The following MTA3 variants were observed in gnomAD, a reference collection of about 807,000 sequenced individuals.
MTA3 encodes the protein metastasis associated 1 family member 3.
A neutral mutation model predicts 83.5 loss-of-function variants in MTA3; 34 were observed. The ratio of observed to expected loss-of-function variants is 0.41; its 90% CI spans 0.31 to 0.54. The LOEUF is 0.54. MTA3 is among the 20% of genes least tolerant of loss of function. The pLI, the probability that MTA3 is intolerant of heterozygous loss-of-function variation, is 0.33. For synonymous variants in MTA3, 303 were observed against 252.7 expected (o/e 1.20, Z -1.89); for missense variants, 761 against 726.4 (o/e 1.05, Z -0.55).
At chr2:42,700,557 T>A (rs1394908531) in intron 11 of MTA3, among the ~76,000 whole-genome samples, 1 of 152,208 alleles carries the variant, frequency 6.6e-6, no homozygotes, top group East Asian at 1.9e-4. Context: ...AACTGTACAT[T>A]TGTATTAGCT....
intron 4 of MTA3, chr2:42,614,341 C>T (rs1054192524): frequency 6.6e-6 from 1 of 152,242 alleles, no homozygotes; most frequent in Admixed American, 6.5e-5. Flanking sequence ...AGGTGATCTA[C>T]CCGCCTCAGT....
At chr2:42,551,047 CTAAATAAATAAATAAA>C (rs61107846) in intron 2 of MTA3, among the ~76,000 whole-genome samples, 22 of 142,618 alleles carry the variant, frequency 1.5e-4, no homozygotes, top group Non-Finnish European at 2.6e-4. Flanking sequence ...CAGACTCTGA[CTAAATAAATAAATAAA>C]TAAATAAATA....
chr2:42,603,752 C>G (rs1682866974), intron 3 of MTA3, among the ~76,000 whole-genome samples: 1 of 152,122 alleles, frequency 6.6e-6, no homozygotes, highest in Admixed American at 6.6e-5. Context: ...ACACAATTTT[C>G]TTTCTTTCCT....
rs1446214719 is a variant in MTA3, at chr2:42,755,854, C to T, written c.*2455C>T. On this transcript the variant is annotated 3_prime_UTR_variant, in exon 17 of 17. Coordinates refer to ENST00000405094, the MANE Select transcript of MTA3 (RefSeq NM_001330442.2). Reference sequence around the variant, plus strand: ...CATGCCCCTGGGGTGAGGACACAGGCTCTGCAGGCTATCTCCCCCTCTGGC... The same window carrying T: ...CATGCCCCTGGGGTGAGGACACAGGTTCTGCAGGCTATCTCCCCCTCTGGC... 2 of 985,552 alleles carry T rather than the reference C, an allele frequency of 2.0e-6. No homozygotes were observed. Among genetic ancestry groups the T allele is most frequent in the East Asian group, 2.3e-4 (2 of 8,814 alleles). The allele number at this position is 985,552 out of a possible 1,614,324, so 61.1% of individuals were successfully genotyped here.
At chr2:42,657,240 G>A (rs976990016) in intron 7 of MTA3, among the ~76,000 whole-genome samples, 1 of 152,184 alleles carries the variant, frequency 6.6e-6, no homozygotes, top group Non-Finnish European at 1.5e-5. Flanking sequence ...ATTTCACAAT[G>A]CAGAGGAAAA....
chr2:42,711,167 A>G lies in MTA3; in HGVS notation c.1525+2071A>G, dbSNP rs576108204. Among the ~76,000 whole-genome samples, 6 of 152,324 alleles carry G rather than the reference A, an allele frequency of 3.9e-5. No individual in the cohort carries two copies. The East Asian group carries it at 1.2e-3, about 29-fold the overall frequency. On this transcript the variant is annotated intron_variant, in intron 14 of 16. Transcript: ENST00000405094. ...CCATTAAGATTGGTGGGGATCCAGTATCATCTTTGTCCTAGGACTAGAAGA... is the reference window on the plus strand; with the variant it reads ...CCATTAAGATTGGTGGGGATCCAGTGTCATCTTTGTCCTAGGACTAGAAGA...
chr2:42,571,355 C>T (rs1678455088), intron 2 of MTA3, among the ~76,000 whole-genome samples: 1 of 133,752 alleles, frequency 7.5e-6, no homozygotes. Context: ...CCATTGCACT[C>T]TAGCCTGGGT....
chr2:42,610,695 C>T (rs561934532), intron 4 of MTA3, among the ~76,000 whole-genome samples: 9 of 152,052 alleles, frequency 5.9e-5, no homozygotes. Context: ...AAGATTCTTA[C>T]CCTCGGTCAG....
At chr2:42,622,964 A>C (rs867686471) in intron 4 of MTA3, among the ~76,000 whole-genome samples, 1 of 152,228 alleles carries the variant, frequency 6.6e-6, no homozygotes, top group African/African-American at 2.4e-5. Flanking sequence ...AAAATAAACC[A>C]ATGAAACAAT....
intron 3 of MTA3, 29 bp from the exon 4 acceptor site, chr2:42,609,429 A>G (rs1489046407): frequency 1.9e-6 from 3 of 1,607,618 alleles, no homozygotes; most frequent in East Asian, 4.5e-5. Flanking sequence ...GCTTTGTACT[A>G]ATAAATTCTT....
chr2:42,552,198 T>A (rs1677142557), intron 2 of MTA3, among the ~76,000 whole-genome samples: 1 of 152,008 alleles, frequency 6.6e-6, no homozygotes, highest in Admixed American at 6.6e-5. Context: ...CTGAGACTGG[T>A]GTGTGCCTGG....
rs537942196 is a variant in MTA3 at position 42,694,249 on chromosome 2, T to C, written c.892-1516T>C. On this transcript the variant is annotated intron_variant, in intron 9 of 16. Coordinates refer to ENST00000405094, the MANE Select transcript of MTA3 (RefSeq NM_001330442.2). ...GAGAGGGGTGGTGCAATCACTCCTTTAGCCACCCTGGGTGTCTCCCTAGGT... is the reference window on the plus strand; with the variant it reads ...GAGAGGGGTGGTGCAATCACTCCTTCAGCCACCCTGGGTGTCTCCCTAGGT... 2.0e-5 allele frequency among the ~76,000 whole-genome samples: 3 copies of C among 151,952 alleles called. 1 individual carries two copies. The South Asian group carries it at 6.2e-4, about 32-fold the overall frequency.
intron 2 of MTA3, among the ~76,000 whole-genome samples, chr2:42,517,603 A>G (rs1675206757): frequency 6.7e-6 from 1 of 149,230 alleles, no homozygotes; most frequent in African/African-American, 2.5e-5. Flanking sequence ...TAGGCCAGGC[A>G]TGGTGGCTCA....
At chr2:42,586,092 A>G (rs1680245146) in intron 3 of MTA3, among the ~76,000 whole-genome samples, 1 of 151,816 alleles carries the variant, frequency 6.6e-6, no homozygotes, top group Non-Finnish European at 1.5e-5. Context: ...GGCCTGACCA[A>G]CGTGGTGAAA....
chr2:42,753,297 T>C lies in MTA3; in HGVS notation c.1760-77T>C. 11 of 1,546,534 alleles carry C rather than the reference T, an allele frequency of 7.1e-6. No homozygotes were observed. In the South Asian group the frequency reaches 1.3e-4, roughly 18 times the overall value. On this transcript the variant is annotated intron_variant, in intron 16 of 16. Transcript: ENST00000405094. Reference sequence around the variant, plus strand: ...CTGAAGGTTGTGATGTTGGGAGGGGTGAGTCCATCCTCCCTTTCATCTTGC... The same window carrying C: ...CTGAAGGTTGTGATGTTGGGAGGGGCGAGTCCATCCTCCCTTTCATCTTGC...
chr2:42,609,934 A>G (rs1683982505), intron 4 of MTA3, among the ~76,000 whole-genome samples: 1 of 152,084 alleles, frequency 6.6e-6, no homozygotes, highest in South Asian at 2.1e-4. Flanking sequence ...CCCCATCTCT[A>G]CTAAAAATAC....
chr2:42,642,142 C>G (rs1687751287), intron 5 of MTA3, among the ~76,000 whole-genome samples: 1 of 152,076 alleles, frequency 6.6e-6, no homozygotes, highest in Non-Finnish European at 1.5e-5. Context: ...TATCTGGAAC[C>G]TTTTCTTCTT....
intron 7 of MTA3, among the ~76,000 whole-genome samples, chr2:42,658,089 AAAAAAAAAAAAG>A (rs1452252923): frequency 4.0e-5 from 6 of 150,786 alleles, no homozygotes; most frequent in African/African-American, 1.2e-4. Flanking sequence ...AAAAAAAAAA[AAAAAAAAAAAAG>A]ATCTTCTAAA....
At chr2:42,620,896 C>G (rs544057619) in intron 4 of MTA3, among the ~76,000 whole-genome samples, 1 of 152,158 alleles carries the variant, frequency 6.6e-6, no homozygotes. Context: ...GAAAGCTAAA[C>G]TATGTTTATT....
Sources: gnomAD v4.1 joint callset for allele counts (sites outside exome capture counted in the v4.1 genomes callset) on GRCh38, gnomAD v4.1.1 for gene constraint, MANE v1.5 for transcripts, NCBI Gene and HGNC (gene_info 2026-07-23, HGNC 2026-07-21) for gene names.